Variants in TMPRSS15 observed in about 807,000 individuals in gnomAD.
TMPRSS15 encodes the protein enteropeptidase.
In TMPRSS15, 128 loss-of-function variants were observed where a neutral mutation model predicts 125.3. That is an observed-to-expected ratio of 1.02 (90% CI 0.89 to 1.18). The LOEUF is 1.18. TMPRSS15 is among the 50% of genes most tolerant of loss of function. TMPRSS15 has a pLI of 0.00. For missense variants in TMPRSS15, 1,283 were observed against 1,212.7 expected, an observed-to-expected ratio of 1.06 and a Z score of -0.86; for synonymous variants, 446 against 423.2, an observed-to-expected ratio of 1.05 and a Z score of -0.66.
intron 1 of TMPRSS15, among the ~76,000 whole-genome samples, chr21:18,448,385 C>A (rs2076259990): frequency 6.6e-6 from 1 of 152,056 alleles, no homozygotes; most frequent in Admixed American, 6.6e-5. Flanking sequence ...TATTTAATAT[C>A]CATGAGCTTT....
At position 18,269,897 on chromosome 21, in the gene TMPRSS15, C is replaced by A. The variant is rs2074532989; in HGVS notation, c.*72G>T. The A allele has an allele frequency of 2.5e-6, 4 of 1,574,114 alleles. No individual in the cohort carries two copies. The highest frequency in any genetic ancestry group is 3.6e-5 in the Admixed American group (2 of 55,930). On this transcript the variant is annotated 3_prime_UTR_variant, in exon 25 of 25. Coordinates refer to ENST00000284885, the MANE Select transcript of TMPRSS15 (RefSeq NM_002772.3). ...AACTTTTTAAAATTTTTGTACGAAA[C>A]ACTTAATTTCCATGCTTTCTAGAGT...
Position 18,323,531 on chromosome 21 carries a change from T to C in TMPRSS15, c.1921+2901A>G, listed in dbSNP as rs141710308. On this transcript the variant is annotated intron_variant, in intron 16 of 24. Coordinates refer to ENST00000284885, the MANE Select transcript of TMPRSS15 (RefSeq NM_002772.3). ...CCCTCCCACAACACATGGGGATCAT[T>C]ACAATTCAAGGTGAGATCTGGGTGG... Among the ~76,000 whole-genome samples the C allele has an allele frequency of 2.1e-3, 313 of 152,266 alleles. 2 individuals are homozygous for C. Among genetic ancestry groups the C allele is most frequent in the Non-Finnish European group, 2.6e-3 (177 of 68,006 alleles).
chr21:18,376,524 A>G (rs1045105051), intron 5 of TMPRSS15, among the ~76,000 whole-genome samples: 2 of 152,140 alleles, frequency 1.3e-5, no homozygotes, highest in African/African-American at 4.8e-5. Context: ...TTTTCCTCCA[A>G]TTCTCAAACT....
chr21:18,276,900 A>G lies in TMPRSS15; in HGVS notation c.2765-1564T>C, dbSNP rs139689314. 8.5e-3 allele frequency among the ~76,000 whole-genome samples: 1,281 copies of G among 151,422 alleles called. 19 individuals carry two copies. Among genetic ancestry groups the G allele is most frequent in the African/African-American group, 0.029 (1,214 of 41,280 alleles). ...TCAGCCTCCCGAGTAGCCTGGGATTACAGGTGTGTACCACCACGCCTGGCT... is the reference window on the plus strand; with the variant it reads ...TCAGCCTCCCGAGTAGCCTGGGATTGCAGGTGTGTACCACCACGCCTGGCT... On this transcript the variant is annotated intron_variant, in intron 23 of 24. Coordinates refer to ENST00000284885, the MANE Select transcript of TMPRSS15 (RefSeq NM_002772.3).
intron 3 of TMPRSS15, among the ~76,000 whole-genome samples, chr21:18,396,529 C>T (rs1024797968): frequency 9.9e-5 from 15 of 152,042 alleles, no homozygotes; most frequent in African/African-American, 3.4e-4. Context: ...AATCCCAGCA[C>T]TTTGGGAGGC....
chr21:18,313,010 A>C lies in TMPRSS15; in HGVS notation c.2100T>G (p.His700Gln). 1 of 1,614,110 alleles carries C rather than the reference A, an allele frequency of 6.2e-7. No homozygotes were observed. The highest frequency in any genetic ancestry group is 8.5e-7 in the Non-Finnish European group (1 of 1,179,982). ...TGGTCCAGTTCTCAGCACAAGCTGT[A>C]TGCCATATGCTCTGGATTCTGAACC... Reference protein sequence around the residue: ...LVRFRIQSIWHTACAENWTTQ... With the variant: ...LVRFRIQSIWQTACAENWTTQ... The change falls in exon 18 of 25, where the codon CAT becomes CAG. Residue 700 changes from histidine (H) to glutamine (Q), a missense_variant. Transcript: ENST00000284885.
At chr21:18,452,543 G>A (rs1978356991) in intron 1 of TMPRSS15, among the ~76,000 whole-genome samples, 1 of 152,126 alleles carries the variant, frequency 6.6e-6, no homozygotes, top group South Asian at 2.1e-4. Context: ...GTGGGCACCT[G>A]TGGTCCCAGC....
At chr21:18,342,753 A>G (rs2075461695) in intron 12 of TMPRSS15, among the ~76,000 whole-genome samples, 1 of 152,182 alleles carries the variant, frequency 6.6e-6, no homozygotes, top group Non-Finnish European at 1.5e-5. Flanking sequence ...GAATGATGGG[A>G]GGAAAACGGT....
At chr21:18,318,510 A>G (rs1175748110) in intron 16 of TMPRSS15, among the ~76,000 whole-genome samples, 2 of 152,120 alleles carry the variant, frequency 1.3e-5, no homozygotes, top group Non-Finnish European at 2.9e-5. Context: ...CAAAGACAAT[A>G]TTTCCACCCT....
At chr21:18,295,924 G>C (rs529845903) in intron 19 of TMPRSS15, among the ~76,000 whole-genome samples, 1 of 152,088 alleles carries the variant, frequency 6.6e-6, no homozygotes, top group Non-Finnish European at 1.5e-5. Context: ...AGGCGGAGGC[G>C]GGCGGATCAC....
chr21:18,385,227 C>T (rs1381182435), intron 3 of TMPRSS15, among the ~76,000 whole-genome samples: 10 of 152,166 alleles, frequency 6.6e-5, no homozygotes, highest in Admixed American at 1.3e-4. Context: ...CTGTTTAGTT[C>T]AGGGTTTCCC....
At position 18,359,846 on chromosome 21, in the gene TMPRSS15, G is replaced by C; in HGVS notation, c.791C>G (p.Ser264Cys). Residue 264 changes from serine (S) to cysteine (C), a missense_variant, in exon 8 of 25, where the codon TCC becomes TGC. Physicochemically the swap from Ser to Cys is moderately radical, Grantham distance 112 (BLOSUM62 -1). Coordinates refer to ENST00000284885, the MANE Select transcript of TMPRSS15 (RefSeq NM_002772.3). ...QWIIRVNQGLSIKLSFDDFNT... is the reference protein window; with the variant it reads ...QWIIRVNQGLCIKLSFDDFNT... Reference sequence around the variant, plus strand: ...AAAATCATCGAAGCTCAGTTTAATGGAAAGTCCTTGGTTTACACTAAATTA... The same window carrying C: ...AAAATCATCGAAGCTCAGTTTAATGCAAAGTCCTTGGTTTACACTAAATTA... 6.6e-7 allele frequency: 1 copy of C among 1,514,002 alleles called. No homozygotes were observed. The highest frequency in any genetic ancestry group is 9.2e-7 in the Non-Finnish European group (1 of 1,091,450). 93.8% of individuals were successfully genotyped at this position (1,514,002 alleles called of 1,614,324 possible).
intron 16 of TMPRSS15, among the ~76,000 whole-genome samples, chr21:18,325,038 C>T (rs987572427): frequency 6.6e-6 from 1 of 151,966 alleles, no homozygotes; most frequent in African/African-American, 2.4e-5. Context: ...TTTTCCAAAG[C>T]AATGATCAAA....
intron 3 of TMPRSS15, among the ~76,000 whole-genome samples, chr21:18,386,860 G>A (rs1009713066): frequency 3.3e-5 from 5 of 152,188 alleles, no homozygotes; most frequent in Non-Finnish European, 7.4e-5. Flanking sequence ...GAGTTACGGA[G>A]TAAAAGAGGT....
chr21:18,272,225 C>A (rs913307737), intron 24 of TMPRSS15, among the ~76,000 whole-genome samples: 7 of 152,036 alleles, frequency 4.6e-5, no homozygotes, highest in Admixed American at 6.5e-5. Context: ...TTGCCAGCAT[C>A]TATTGTTTCT....
At chr21:18,311,881 T>C (rs1404572108) in intron 18 of TMPRSS15, among the ~76,000 whole-genome samples, 6 of 152,152 alleles carry the variant, frequency 3.9e-5, no homozygotes, top group Non-Finnish European at 8.8e-5. Flanking sequence ...TTTGGGCATA[T>C]GTTTTTATAG....
chr21:18,384,600 G>A (rs1276948666), intron 3 of TMPRSS15, among the ~76,000 whole-genome samples: 1 of 152,024 alleles, frequency 6.6e-6, no homozygotes, highest in African/African-American at 2.4e-5. Context: ...TTGCCCTCCT[G>A]CTTACATTTC....
At chr21:18,287,230 A>G (rs1295933961) in intron 21 of TMPRSS15, among the ~76,000 whole-genome samples, 1 of 152,150 alleles carries the variant, frequency 6.6e-6, no homozygotes, top group Non-Finnish European at 1.5e-5. Context: ...GTGCTCAGCA[A>G]ATGTCATCTG....
chr21:18,473,228 G>T (rs550325847), intron 1 of TMPRSS15, among the ~76,000 whole-genome samples: 32 of 152,164 alleles, frequency 2.1e-4, no homozygotes, highest in African/African-American at 7.7e-4. Context: ...CTGGATAAAA[G>T]ACAAGGGAGG....
Sources: allele counts gnomAD v4.1 joint callset (sites outside exome capture counted in the v4.1 genomes callset), GRCh38; gene constraint gnomAD v4.1.1; transcripts MANE v1.5; gene names NCBI Gene and HGNC (gene_info 2026-07-23, HGNC 2026-07-21).